Variants in MTOR observed in about 807,000 individuals in gnomAD.
MTOR encodes mechanistic target of rapamycin kinase.
MTOR carries 70 observed loss-of-function variants against 319.8 expected under a neutral mutation model. The observed-to-expected ratio is 0.22, with a 90% CI of 0.18 to 0.27. MTOR has a LOEUF of 0.27. MTOR is among the 10% of genes least tolerant of loss of function. The pLI, the probability that MTOR is intolerant of heterozygous loss-of-function variation, is 1.00. For missense variants in MTOR, 1,890 were observed against 3,274.4 expected, an observed-to-expected ratio of 0.58 and a Z score of 10.32; for synonymous variants, 1,183 against 1,211.4, an observed-to-expected ratio of 0.98 and a Z score of 0.49.
At chr1:11,236,649 C>T (rs1303858798) in intron 13 of MTOR, among the ~76,000 whole-genome samples, 1 of 151,772 alleles carries the variant, frequency 6.6e-6, no homozygotes, top group African/African-American at 2.4e-5. Flanking sequence ...GCTGGTATTA[C>T]AGACGCCTGC....
chr1:11,254,054 G>C (rs1026932289), intron 5 of MTOR, 81 bp from the exon 6 acceptor site: 8 of 1,562,180 alleles, frequency 5.1e-6, no homozygotes, highest in African/African-American at 2.7e-5. Context: ...TCTACACTGG[G>C]GGTTCTGAGG....
Position 11,247,501 on chromosome 1 carries a change from T to C in MTOR, c.1225+124A>G, listed in dbSNP as rs182366069. ...AACTAAATAGCATTGAAATTGGACA[T>C]GAGACAAAGAAATCAGAGATTTGTT... On this transcript the variant is annotated intron_variant, in intron 8 of 57. Transcript: ENST00000361445. The C allele has an allele frequency of 4.8e-5, 38 of 787,188 alleles. No homozygotes were observed. The Admixed American group carries it at 6.9e-4, about 14-fold the overall frequency. The allele number at this position is 787,188 out of a possible 1,614,324, so 48.8% of individuals were successfully genotyped here.
chr1:11,107,412 T>C lies in MTOR; in HGVS notation c.*73A>G. The stretch of plus-strand genomic sequence containing the variant: ...AAAGTCAAACTTTCTCACCATGGTT[T>C]CAGTTTAGTGGAAGCATTTACTAAA... On this transcript the variant is annotated 3_prime_UTR_variant, in exon 58 of 58. Transcript: ENST00000361445. The C allele has an allele frequency of 6.3e-7, 1 of 1,577,666 alleles. No individual in the cohort carries two copies. The highest frequency in any genetic ancestry group is 8.5e-7 in the Non-Finnish European group (1 of 1,170,000).
intron 34 of MTOR, among the ~76,000 whole-genome samples, chr1:11,140,694 G>C (rs187259354): frequency 1.1e-4 from 17 of 152,210 alleles, no homozygotes; most frequent in African/African-American, 3.9e-4. Flanking sequence ...AATAGTACCA[G>C]TTTCATAGGG....
At chr1:11,257,566 GAAAAAAAA>G (rs70977557) in intron 3 of MTOR, among the ~76,000 whole-genome samples, 848 of 64,842 alleles carry the variant, frequency 0.013, 7 homozygotes, top group African/African-American at 0.047. Context: ...CTGTCTCAGA[GAAAAAAAA>G]AAAAAAAAAA....
chr1:11,198,431 AC>A (rs1645856040), intron 28 of MTOR, among the ~76,000 whole-genome samples: 1 of 152,146 alleles, frequency 6.6e-6, no homozygotes, highest in Non-Finnish European at 1.5e-5. Context: ...CTATTTGATT[AC>A]CCTCTCAAAC....
chr1:11,241,473 G>A, intron 10 of MTOR, 80 bp downstream of exon 10: 5 of 1,498,460 alleles, frequency 3.3e-6, no homozygotes, highest in South Asian at 2.6e-5. Flanking sequence ...AAACAACCAT[G>A]CCTCATTCTT....
At chr1:11,205,317 A>ATGTT in intron 25 of MTOR, among the ~76,000 whole-genome samples, 1 of 152,336 alleles carries the variant, frequency 6.6e-6, no homozygotes, top group East Asian at 1.9e-4. Context: ...TTTGGAGAAC[A>ATGTT]GTATAGTGTA....
chr1:11,166,538 A>T (rs1281256310), intron 29 of MTOR, among the ~76,000 whole-genome samples: 1 of 152,228 alleles, frequency 6.6e-6, no homozygotes, highest in African/African-American at 2.4e-5. Flanking sequence ...TCAAAACCAC[A>T]ATGAGATACC....
In MTOR at chr1:11,253,890, T is replaced by C. The variant is rs1015573243; in HGVS notation, c.789A>G (p.Gly263=). ...KGMNRDDRIH[G]ALLILNELVR... The stretch of plus-strand genomic sequence containing the variant: ...CCAGCTCGTTAAGGATCAACAAGGC[T>C]CCATGGATCCGATCATCCCGATTCA... Residue 263 remains glycine, a synonymous_variant, in exon 6 of 58, where the codon GGA becomes GGG. Coordinates refer to ENST00000361445, the MANE Select transcript of MTOR (RefSeq NM_004958.4). The C allele has an allele frequency of 3.7e-6, 6 of 1,613,968 alleles. No individual in the cohort carries two copies. The Admixed American group carries it at 8.3e-5, about 22-fold the overall frequency.
chr1:11,226,764 C>G (rs554648035), intron 19 of MTOR, among the ~76,000 whole-genome samples: 1 of 152,106 alleles, frequency 6.6e-6, no homozygotes, highest in Non-Finnish European at 1.5e-5. Flanking sequence ...GCTTGGGCAA[C>G]AGAGCTAGAC....
rs542231524 is a variant in MTOR at position 11,212,038 on chromosome 1, T to A, written c.3561+274A>T. Among the ~76,000 whole-genome samples the A allele has an allele frequency of 2.0e-5, 3 of 152,212 alleles. No homozygotes were observed. Among genetic ancestry groups the A allele is most frequent in the Non-Finnish European group, 4.4e-5 (3 of 68,002 alleles). ...TCTCCCCACTTCAACCCATCACTCT[T>A]AAGAAACAAACTGTTTATTTGCTTT... On this transcript the variant is annotated intron_variant, in intron 23 of 57. Coordinates refer to ENST00000361445, the MANE Select transcript of MTOR (RefSeq NM_004958.4). The surrounding 1 kb of genome is among the most constrained non-coding windows in gnomAD (Gnocchi z 4.1).
In MTOR at chr1:11,106,705, TTC is replaced by T; in HGVS notation, c.*778_*779del. 2.5e-6 allele frequency: 3 copies of T among 1,186,910 alleles called. No individual in the cohort carries two copies. Among genetic ancestry groups the T allele is most frequent in the Non-Finnish European group, 3.2e-6 (3 of 946,634 alleles). The allele number at this position is 1,186,910 out of a possible 1,614,324, so 73.5% of individuals were successfully genotyped here. The stretch of plus-strand genomic sequence containing the variant: ...GTGTTCAGCACCTCCATGACAGTAT[TTC>T]TGTTTTCTGAGCCCTTGCTCTAAAC... On this transcript the variant is annotated 3_prime_UTR_variant, in exon 58 of 58. Coordinates refer to ENST00000361445, the MANE Select transcript of MTOR (RefSeq NM_004958.4).
intron 19 of MTOR, 148 bp downstream of exon 19, chr1:11,228,520 G>C (rs1646919423): frequency 9.1e-7 from 1 of 1,102,218 alleles, no homozygotes; most frequent in Non-Finnish European, 1.3e-6. Context: ...TGAGCTGATT[G>C]TACACTTTAT....
chr1:11,152,844 A>G (rs1178479110), intron 30 of MTOR, among the ~76,000 whole-genome samples: 13 of 152,244 alleles, frequency 8.5e-5, no homozygotes, highest in Admixed American at 8.5e-4. Flanking sequence ...GCATATGATC[A>G]GGAAAAATAT....
chr1:11,187,042 C>G (rs953499901), intron 28 of MTOR, among the ~76,000 whole-genome samples: 5 of 152,224 alleles, frequency 3.3e-5, no homozygotes, highest in African/African-American at 1.2e-4. Context: ...CTAAAAGGGA[C>G]TGTTACATGG....
In MTOR at chr1:11,114,819, A is replaced by G. The variant is rs143035002; in HGVS notation, c.7158T>C (p.Ala2386=). 153 of 1,614,020 alleles carry G rather than the reference A, an allele frequency of 9.5e-5. No individual in the cohort carries two copies. In the African/African-American group the frequency reaches 1.7e-3, roughly 18 times the overall value. The change falls in exon 52 of 58, where the codon GCT becomes GCC. Residue 2386 remains alanine (A), a synonymous_variant. Coordinates refer to ENST00000361445, the MANE Select transcript of MTOR (RefSeq NM_004958.4). ...GTTCCCGATATCCACTCACCTCCAT[A>G]GCATTGGTCAACATTCTTGTTAGTC... ...PFRLTRMLTN[A]MEVTGLDGNY... is the part of the protein sequence containing the mutation.
chr1:11,142,697 T>C (rs751639138), intron 34 of MTOR, among the ~76,000 whole-genome samples: 1 of 152,150 alleles, frequency 6.6e-6, no homozygotes, highest in Non-Finnish European at 1.5e-5. Flanking sequence ...CCCATGGAGC[T>C]GTCCTCCATG....
At chr1:11,155,738 G>T (rs1010434709) in intron 30 of MTOR, among the ~76,000 whole-genome samples, 2 of 152,202 alleles carry the variant, frequency 1.3e-5, no homozygotes, top group African/African-American at 4.8e-5. Flanking sequence ...CTCCTTTGTT[G>T]ATGGTATCAC....
Sources: gnomAD v4.1 joint callset for allele counts (sites outside exome capture counted in the v4.1 genomes callset) on GRCh38, gnomAD v4.1.1 for gene constraint, Gnocchi (gnomAD v3.1) non-coding constraint, MANE v1.5 for transcripts, NCBI Gene and HGNC (gene_info 2026-07-23, HGNC 2026-07-21) for gene names.